The following CCDC171 variants were observed in gnomAD, a reference collection of about 807,000 sequenced individuals.
CCDC171 encodes coiled-coil domain-containing protein 171.
CCDC171 carries 177 observed loss-of-function variants against 168.2 expected under a neutral mutation model. The ratio of observed to expected loss-of-function variants is 1.05; its 90% CI spans 0.93 to 1.19. The LOEUF is 1.19. Among genes scored for constraint, CCDC171 ranks in the 50% most tolerant of loss-of-function variants. The probability of loss-of-function intolerance (pLI) is 0.00; values close to 1 mark genes in which losing one functional copy is unlikely to be tolerated. For missense variants in CCDC171, 1,991 were observed against 1,539.0 expected (o/e 1.29, Z -4.91); for synonymous variants, 687 against 540.8 (o/e 1.27, Z -3.75).
chr9:15,841,461 T>C (rs1563849833), intron 21 of CCDC171, among the ~76,000 whole-genome samples: 2 of 152,018 alleles, frequency 1.3e-5, no homozygotes, highest in Non-Finnish European at 2.9e-5. Context: ...ACATGTGAGT[T>C]CTAACTAAGA....
At chr9:16,048,256 A>C (rs1189461130) in intron 1 of CCDC171, among the ~76,000 whole-genome samples, 3 of 152,186 alleles carry the variant, frequency 2.0e-5, no homozygotes, top group African/African-American at 7.2e-5. Context: ...AACTCGTGGG[A>C]AACGTGTAGA....
chr9:15,665,159 C>T (rs529140073), intron 8 of CCDC171, among the ~76,000 whole-genome samples: 1 of 151,722 alleles, frequency 6.6e-6, no homozygotes, highest in South Asian at 2.1e-4. Context: ...GGGAAGGTCT[C>T]ACTGTTAATC....
At chr9:15,626,631 C>T (rs200143145) in intron 7 of CCDC171, among the ~76,000 whole-genome samples, 23 of 151,938 alleles carry the variant, frequency 1.5e-4, no homozygotes, top group African/African-American at 4.8e-4. Context: ...GATTTGTGTA[C>T]GTTGAACCAG....
chr9:15,602,562 A>G (rs574708235), intron 6 of CCDC171, among the ~76,000 whole-genome samples: 42 of 137,362 alleles, frequency 3.1e-4, no homozygotes, highest in Admixed American at 2.5e-3. Flanking sequence ...TCTCTGGAAT[A>G]TTAACATGAG....
intron 5 of CCDC171, among the ~76,000 whole-genome samples, chr9:15,592,802 C>T (rs960507194): frequency 2.0e-5 from 3 of 151,912 alleles, no homozygotes; most frequent in Non-Finnish European, 2.9e-5. Context: ...AGATTTTGAT[C>T]TGATCTCAAT....
rs75066419 is a variant in CCDC171, at chr9:15,716,168, A to C, written c.1319-5601A>C. On this transcript the variant is annotated intron_variant, in intron 11 of 25. Transcript: ENST00000380701. ...TGAATTTGACCACTTTAGATACCTT[A>C]TATTAAGCACAAGTATAGACAGAGG... Among the ~76,000 whole-genome samples the C allele has an allele frequency of 9.8e-3, 1,499 of 152,296 alleles. 14 individuals carry two copies. The highest frequency in any genetic ancestry group is 0.014 in the Non-Finnish European group (965 of 68,024).
intron 24 of CCDC171, among the ~76,000 whole-genome samples, chr9:15,917,358 G>A (rs181038281): frequency 5.9e-5 from 9 of 151,742 alleles, no homozygotes; most frequent in African/African-American, 2.2e-4. Flanking sequence ...GTACCTTGCT[G>A]CTCTGAAAAA....
intron 24 of CCDC171, chr9:15,888,963 T>C (rs1819826099): frequency 7.2e-6 from 1 of 138,068 alleles, no homozygotes; most frequent in Non-Finnish European, 1.6e-5. Context: ...TTTTTTTTTT[T>C]TTTTTTTTTT....
intron 7 of CCDC171, among the ~76,000 whole-genome samples, chr9:15,656,626 C>T (rs1485921431): frequency 1.3e-5 from 2 of 152,114 alleles, no homozygotes; most frequent in Non-Finnish European, 2.9e-5. Context: ...GGGAAAGAAG[C>T]CTGGCAATAA....
rs55976539 is a variant in CCDC171, at chr9:15,642,343, GTATATATATATATATATATATA to G, written c.823-14764_823-14743del. On this transcript the variant is annotated intron_variant, in intron 7 of 25. Coordinates refer to ENST00000380701, the MANE Select transcript of CCDC171 (RefSeq NM_173550.4). ...TATATATATATACACGTGTGTGTGTGTATATATATATATATATATATATATATATATATATATATATGCATTT... is the reference window on the plus strand; with the variant it reads ...TATATATATATACACGTGTGTGTGTGTATATATATATATATATATGCATTT... 9.9e-4 allele frequency among the ~76,000 whole-genome samples: 107 copies of G among 107,570 alleles called. 1 individual carries two copies. The highest frequency in any genetic ancestry group is 2.6e-3 in the African/African-American group (51 of 19,878). The allele number at this position is 107,570 out of a possible 152,430, so 70.6% of individuals were successfully genotyped here. A position where few individuals can be genotyped will look rare whatever the true frequency, so the allele number is the denominator to read the frequency against.
intron 18 of CCDC171, among the ~76,000 whole-genome samples, chr9:15,775,872 G>A (rs1280540532): frequency 2.0e-5 from 3 of 152,116 alleles, no homozygotes; most frequent in African/African-American, 7.2e-5. Context: ...TGTATGCTGG[G>A]CTGGCCCAGT....
chr9:15,724,678 A>T, intron 13 of CCDC171, 98 bp from the exon 14 acceptor site: 2 of 709,144 alleles, frequency 2.8e-6, no homozygotes, highest in Non-Finnish European at 4.9e-6. Context: ...CTTTCATTTT[A>T]AAGCTTTGAA....
intron 21 of CCDC171, among the ~76,000 whole-genome samples, chr9:15,787,440 A>G (rs2058023760): frequency 6.6e-6 from 1 of 152,076 alleles, no homozygotes; most frequent in African/African-American, 2.4e-5. Context: ...ATTTAATATT[A>G]TAGACTTAGA....
intron 13 of CCDC171, among the ~76,000 whole-genome samples, chr9:15,724,492 T>C (rs548161989): frequency 2.0e-5 from 3 of 152,296 alleles, no homozygotes; most frequent in Middle Eastern, 6.8e-3. Flanking sequence ...TTTAAAAAAA[T>C]AGGTTGAAAG....
chr9:15,795,879 T>C (rs2058529347), intron 21 of CCDC171, among the ~76,000 whole-genome samples: 1 of 152,200 alleles, frequency 6.6e-6, no homozygotes, highest in Non-Finnish European at 1.5e-5. Context: ...TTAGTTGAGA[T>C]TTAATCTTTA....
the CCDC171 span, among the ~76,000 whole-genome samples, chr9:16,107,639 T>A: frequency 6.6e-6 from 1 of 152,162 alleles, no homozygotes; most frequent in African/African-American, 2.4e-5. Context: ...TATATATACA[T>A]GTAAGTGTTT....
chr9:15,787,665 G>A (rs1327932851), intron 21 of CCDC171, among the ~76,000 whole-genome samples: 1 of 152,134 alleles, frequency 6.6e-6, no homozygotes, highest in Non-Finnish European at 1.5e-5. Flanking sequence ...TACTAGGTTA[G>A]AAACCACATA....
At chr9:15,689,246 C>G (rs1403895762) in intron 10 of CCDC171, among the ~76,000 whole-genome samples, 2 of 152,122 alleles carry the variant, frequency 1.3e-5, no homozygotes, top group Non-Finnish European at 2.9e-5. Flanking sequence ...ATCTCATGTT[C>G]ATGTAATAGT....
At chr9:15,770,105 G>A (rs1419523369) in intron 18 of CCDC171, among the ~76,000 whole-genome samples, 1 of 152,014 alleles carries the variant, frequency 6.6e-6, no homozygotes, top group Non-Finnish European at 1.5e-5. Context: ...GTTGTAAAAC[G>A]AACTATCGAA....
Sources: allele counts gnomAD v4.1 joint callset (sites outside exome capture counted in the v4.1 genomes callset), GRCh38; gene constraint gnomAD v4.1.1; transcripts MANE v1.5; gene names NCBI Gene and HGNC (gene_info 2026-07-23, HGNC 2026-07-21).